The following NCS1 variants were observed in gnomAD, a reference collection of about 807,000 sequenced individuals.
NCS1 encodes the protein frequenin homolog.
In NCS1, 6 loss-of-function variants were observed where a neutral mutation model predicts 28.4. That is an observed-to-expected ratio of 0.21 (90% CI 0.12 to 0.42). The LOEUF (loss-of-function observed/expected upper bound fraction) is 0.42, where lower values mean the gene tolerates loss of function less well. Among genes scored for constraint, NCS1 ranks in the 10% least tolerant of loss-of-function variants. NCS1 has a pLI of 1.00. For synonymous variants in NCS1, 86 were observed against 99.3 expected (o/e 0.87, Z 0.79); for missense variants, 131 against 241.4 (o/e 0.54, Z 3.03).
chr9:130,199,096 C>CTT (rs1554907150), intron 1 of NCS1, among the ~76,000 whole-genome samples: 1 of 56,110 alleles, frequency 1.8e-5, no homozygotes, highest in Non-Finnish European at 4.4e-5. Context: ...TTCTCTCTTT[C>CTT]TCTTTTTTTT....
intron 4 of NCS1, among the ~76,000 whole-genome samples, chr9:130,220,197 C>T (rs560974024): frequency 6.6e-6 from 1 of 152,282 alleles, no homozygotes; most frequent in South Asian, 2.1e-4. Flanking sequence ...GGACCCAAGA[C>T]CCAGGTTCAG....
intron 2 of NCS1, among the ~76,000 whole-genome samples, chr9:130,216,919 C>T (rs1471300745): frequency 1.0e-5 from 1 of 97,938 alleles, no homozygotes; most frequent in African/African-American, 4.0e-5. Flanking sequence ...GGGGGTGGGG[C>T]GGGAGGGGTG....
At chr9:130,188,597 G>A (rs1326026980) in intron 1 of NCS1, among the ~76,000 whole-genome samples, 4 of 151,480 alleles carry the variant, frequency 2.6e-5, no homozygotes, top group Admixed American at 6.6e-5. Flanking sequence ...TAGTAGAGAC[G>A]GGGTTTCTCC....
Position 130,233,597 on chromosome 9 carries a change from T to C in NCS1, c.*625T>C, listed in dbSNP as rs370318457. On this transcript the variant is annotated 3_prime_UTR_variant, in exon 8 of 8. Coordinates refer to ENST00000372398, the MANE Select transcript of NCS1 (RefSeq NM_014286.4). The surrounding 1 kb of genome is among the most constrained non-coding windows in gnomAD (Gnocchi z 4.8). ...TTTTGTGATAACAGTATTGTGCTTTTTGTGGGGAAAGTGAGGTTTTTTTTT... is the reference window on the plus strand; with the variant it reads ...TTTTGTGATAACAGTATTGTGCTTTCTGTGGGGAAAGTGAGGTTTTTTTTT... 7.5e-6 allele frequency: 1 copy of C among 132,766 alleles called. No individual in the cohort carries two copies. 8.2% of individuals were successfully genotyped at this position (132,766 alleles called of 1,614,324 possible). A position where few individuals can be genotyped will look rare whatever the true frequency, so the allele number is the denominator to read the frequency against.
rs1832816821 is a variant in NCS1 at position 130,191,601 on chromosome 9, G to T, written c.65-9357G>T. 6.6e-6 allele frequency among the ~76,000 whole-genome samples: 1 copy of T among 152,204 alleles called. No individual in the cohort carries two copies. Among genetic ancestry groups the T allele is most frequent in the African/African-American group, 2.4e-5 (1 of 41,462 alleles). On this transcript the variant is annotated intron_variant, in intron 1 of 7. Coordinates refer to ENST00000372398, the MANE Select transcript of NCS1 (RefSeq NM_014286.4). This position sits in a 1 kb window ranked among gnomAD's most constrained non-coding sequence, Gnocchi z 6.4. The stretch of plus-strand genomic sequence containing the variant: ...TGGGGCTCCCCTGATGAGCCCAGGT[G>T]CCTCATCCTGAGACAGATACAGCAA...
Position 130,191,578 on chromosome 9 carries a change from G to C in NCS1, c.65-9380G>C, listed in dbSNP as rs1250589484. 6.6e-6 allele frequency among the ~76,000 whole-genome samples: 1 copy of C among 152,182 alleles called. No homozygotes were observed. Among genetic ancestry groups the C allele is most frequent in the Non-Finnish European group, 1.5e-5 (1 of 68,024 alleles). On this transcript the variant is annotated intron_variant, in intron 1 of 7. Coordinates refer to ENST00000372398, the MANE Select transcript of NCS1 (RefSeq NM_014286.4). This position sits in a 1 kb window ranked among gnomAD's most constrained non-coding sequence, Gnocchi z 6.4. ...GGTCAGCTGGATGGCCGTGGGCATG[G>C]GGCTCCCCTGATGAGCCCAGGTGCC...
chr9:130,176,897 A>G (rs1473069663), intron 1 of NCS1, among the ~76,000 whole-genome samples: 3 of 152,224 alleles, frequency 2.0e-5, no homozygotes, highest in African/African-American at 7.2e-5. Flanking sequence ...TTCTGAGGCC[A>G]CTGCAGGCCC....
intron 1 of NCS1, among the ~76,000 whole-genome samples, chr9:130,190,615 A>G (rs1483805900): frequency 2.6e-5 from 4 of 152,196 alleles, no homozygotes; most frequent in African/African-American, 4.8e-5. Context: ...GCCAGCACCA[A>G]CGGCACTTTG....
chr9:130,210,087 A>C (rs967859040), intron 2 of NCS1, among the ~76,000 whole-genome samples: 10 of 152,112 alleles, frequency 6.6e-5, no homozygotes, highest in Non-Finnish European at 1.0e-4. Context: ...CCGCCCATGT[A>C]CTAGGAGACT....
chr9:130,190,007 G>A (rs1322617257), intron 1 of NCS1, among the ~76,000 whole-genome samples: 2 of 138,664 alleles, frequency 1.4e-5, no homozygotes, highest in African/African-American at 5.7e-5. Context: ...GCTTGAGCCA[G>A]GGGGTAGTTC....
chr9:130,185,012 C>T (rs183763025), intron 1 of NCS1, among the ~76,000 whole-genome samples: 8 of 152,280 alleles, frequency 5.3e-5, no homozygotes, highest in African/African-American at 1.7e-4. Context: ...TGTAAGCCAC[C>T]GCGCCCGGCC....
chr9:130,223,239 G>T (rs2131157081), intron 6 of NCS1, 80 bp downstream of exon 6: 3 of 1,373,598 alleles, frequency 2.2e-6, no homozygotes, highest in Non-Finnish European at 3.1e-6. Flanking sequence ...TGGATCCTGG[G>T]CCTGGCTTTG....
chr9:130,226,473 G>C lies in NCS1; in HGVS notation c.559G>C (p.Asp187His), dbSNP rs782767025. Residue 187 changes from aspartate to histidine, a missense_variant, in exon 7 of 8, where the codon GAC (aspartate) becomes CAC (histidine). By Grantham distance (81) the Asp-to-His change is moderately conservative (BLOSUM62 -1). Coordinates refer to ENST00000372398, the MANE Select transcript of NCS1 (RefSeq NM_014286.4). The surrounding 1 kb of genome is among the most constrained non-coding windows in gnomAD (Gnocchi z 4.8). ...CATTGTGCAGGCGCTGTCCCTCTAC[G>C]ACGGGCTGGTATAGTCCCAGGCTGG... is the stretch of plus-strand genomic sequence containing the variant. ...PSIVQALSLY[D>H]GLV 9.3e-6 allele frequency: 15 copies of C among 1,613,658 alleles called. No homozygotes were observed. Among genetic ancestry groups the C allele is most frequent in the Non-Finnish European group, 1.2e-5 (14 of 1,179,794 alleles).
At chr9:130,198,978 C>G (rs1288813049) in intron 1 of NCS1, among the ~76,000 whole-genome samples, 2 of 152,230 alleles carry the variant, frequency 1.3e-5, no homozygotes, top group African/African-American at 4.8e-5. Flanking sequence ...ATCCTGAACC[C>G]GTTCCTGCCC....
intron 1 of NCS1, chr9:130,200,444 G>C: frequency 1.2e-6 from 1 of 812,910 alleles, no homozygotes; most frequent in Non-Finnish European, 2.0e-6. Flanking sequence ...CCACAGAGAG[G>C]GGCTGCAGGG....
intron 2 of NCS1, among the ~76,000 whole-genome samples, chr9:130,204,864 C>T (rs554443117): frequency 5.9e-5 from 9 of 152,248 alleles, no homozygotes; most frequent in South Asian, 2.1e-4. Context: ...GGACTTTCTC[C>T]GCATTAGGCG....
intron 2 of NCS1, among the ~76,000 whole-genome samples, chr9:130,213,472 G>A (rs1440613536): frequency 6.6e-6 from 1 of 151,828 alleles, no homozygotes; most frequent in Non-Finnish European, 1.5e-5. Flanking sequence ...GTAGAGACGG[G>A]GTTTCACCGT....
At chr9:130,173,833 G>A (rs1588104899) in intron 1 of NCS1, among the ~76,000 whole-genome samples, 2 of 152,188 alleles carry the variant, frequency 1.3e-5, no homozygotes, top group Non-Finnish European at 2.9e-5. Flanking sequence ...TCTGCTCCCC[G>A]CTTCCCCCCA....
At chr9:130,195,916 T>TGAGCCCTGAACCCA (rs1188622227) in intron 1 of NCS1, among the ~76,000 whole-genome samples, 3 of 152,168 alleles carry the variant, frequency 2.0e-5, no homozygotes, top group Admixed American at 6.5e-5. Context: ...CCCTGAACCC[T>TGAGCCCTGAACCCA]GAGCCCTGAA....
Sources: gnomAD v4.1 joint callset for allele counts (sites outside exome capture counted in the v4.1 genomes callset) on GRCh38, gnomAD v4.1.1 for gene constraint, Gnocchi (gnomAD v3.1) non-coding constraint, MANE v1.5 for transcripts, NCBI Gene and HGNC (gene_info 2026-07-23, HGNC 2026-07-21) for gene names.